The following STYX variants were observed in gnomAD, a reference collection of about 807,000 sequenced individuals.
The protein encoded by STYX is serine/threonine/tyrosine-interacting protein.
STYX carries 20 observed loss-of-function variants against 42.7 expected under a neutral mutation model. The observed-to-expected ratio is 0.47, with a 90% CI of 0.33 to 0.68. STYX has a LOEUF of 0.68. STYX is among the 30% of genes least tolerant of loss of function. STYX has a pLI of 0.02. For synonymous variants in STYX, 78 were observed against 81.9 expected, an observed-to-expected ratio of 0.95 and a Z score of 0.26; for missense variants, 226 against 268.5, an observed-to-expected ratio of 0.84 and a Z score of 1.11.
intron 1 of STYX, among the ~76,000 whole-genome samples, chr14:52,736,144 C>T (rs1022644921): frequency 6.6e-6 from 1 of 152,156 alleles, no homozygotes; most frequent in Admixed American, 6.6e-5. Context: ...TTGCTATTTT[C>T]CCCTGCCTTG....
In STYX at chr14:52,750,734, A is replaced by G. The variant is rs758719841; in HGVS notation, c.196A>G (p.Asn66Asp). Reference protein sequence around the residue: ...GITHIICIRQNIEANFIKPNF... With the variant: ...GITHIICIRQDIEANFIKPNF... ...AACCCATATAATATGCATACGACAA[A>G]ATATTGAAGCAAACTTTATTAAACC... Residue 66 changes from asparagine (N) to aspartate (D), a missense_variant, in exon 4 of 11, where the codon AAT (asparagine) becomes GAT (aspartate). Coordinates refer to ENST00000354586, the MANE Select transcript of STYX (RefSeq NM_145251.4). 4.4e-6 allele frequency: 7 copies of G among 1,595,462 alleles called. No individual in the cohort carries two copies. The South Asian group carries it at 8.1e-5, about 18-fold the overall frequency.
chr14:52,771,198 A>AT lies in STYX; in HGVS notation c.*92_*93insT. 8.0e-7 allele frequency: 1 copy of AT among 1,243,254 alleles called. No homozygotes were observed. Among genetic ancestry groups the AT allele is most frequent in the Non-Finnish European group, 1.1e-6 (1 of 890,404 alleles). 77.0% of individuals were successfully genotyped at this position (1,243,254 alleles called of 1,614,324 possible). ...AATGTAAAATGGTAAAAACATAAGT[A>AT]GTTTTTTTTTCAATTACATGTTGCT... On this transcript the variant is annotated 3_prime_UTR_variant, in exon 11 of 11. Transcript: ENST00000354586.
intron 1 of STYX, among the ~76,000 whole-genome samples, chr14:52,734,559 C>T (rs1396984121): frequency 6.6e-6 from 1 of 152,006 alleles, no homozygotes; most frequent in East Asian, 1.9e-4. Context: ...TTAGAAAATT[C>T]CAAGAGTTTT....
At chr14:52,755,091 G>A (rs1424119320) in intron 4 of STYX, among the ~76,000 whole-genome samples, 1 of 150,864 alleles carries the variant, frequency 6.6e-6, no homozygotes, top group African/African-American at 2.4e-5. Flanking sequence ...CTGAGGTTCA[G>A]CTTCTGTGTT....
chr14:52,733,224 T>G (rs569740514), intron 1 of STYX, among the ~76,000 whole-genome samples: 1 of 152,366 alleles, frequency 6.6e-6, no homozygotes, highest in Middle Eastern at 3.4e-3. Context: ...TTTCCCGGAC[T>G]TTGCATTTAA....
chr14:52,730,633 C>G, intron 1 of STYX, 102 bp downstream of exon 1: 6 of 1,359,896 alleles, frequency 4.4e-6, no homozygotes, highest in Non-Finnish European at 6.1e-6. Context: ...TGTACGGGCG[C>G]CCTGCCTCCT....
intron 4 of STYX, among the ~76,000 whole-genome samples, chr14:52,751,220 A>G (rs998996428): frequency 6.6e-6 from 1 of 151,908 alleles, no homozygotes; most frequent in Non-Finnish European, 1.5e-5. Flanking sequence ...TTTCTTTTTT[A>G]CTTTATATTT....
chr14:52,737,280 T>G (rs901407443), intron 1 of STYX, among the ~76,000 whole-genome samples: 4 of 152,198 alleles, frequency 2.6e-5, no homozygotes, highest in African/African-American at 9.7e-5. Flanking sequence ...TATTTGAGGG[T>G]CTTTGAACAT....
chr14:52,746,410 A>T lies in STYX; in HGVS notation c.91-16A>T, dbSNP rs1180403299. 1.1e-4 allele frequency: 128 copies of T among 1,211,102 alleles called. No homozygotes were observed. Among genetic ancestry groups the T allele is most frequent in the Admixed American group, 1.9e-4 (7 of 37,534 alleles). 75.0% of individuals were successfully genotyped at this position (1,211,102 alleles called of 1,614,324 possible). On this transcript the variant is annotated splice_polypyrimidine_tract_variant and intron_variant, in intron 2 of 10. Transcript: ENST00000354586. Reference sequence around the variant, plus strand: ...AAATTGCTGATGGTAAATACCTCAAATTTTTTTTTTTCTAGGAAATTTTAC... The same window carrying T: ...AAATTGCTGATGGTAAATACCTCAATTTTTTTTTTTTCTAGGAAATTTTAC...
chr14:52,756,858 T>G (rs1235229534), intron 5 of STYX, among the ~76,000 whole-genome samples: 2 of 151,970 alleles, frequency 1.3e-5, no homozygotes, highest in Admixed American at 1.3e-4. Context: ...CAGCTAATTT[T>G]GTATTTTTAG....
chr14:52,767,597 C>T (rs962325311), intron 9 of STYX, among the ~76,000 whole-genome samples: 3 of 151,994 alleles, frequency 2.0e-5, no homozygotes, highest in African/African-American at 7.2e-5. Context: ...GCTATTTACC[C>T]AAGAATAAAA....
At chr14:52,762,878 CTTTCTTTT>C (rs1216167163) in intron 9 of STYX, among the ~76,000 whole-genome samples, 7 of 77,424 alleles carry the variant, frequency 9.0e-5, no homozygotes, top group Admixed American at 1.3e-4. Context: ...TTCTTTCTTT[CTTTCTTTT>C]TTTTTTTTTT....
chr14:52,744,076 G>A (rs920289073), intron 1 of STYX, among the ~76,000 whole-genome samples: 2 of 152,098 alleles, frequency 1.3e-5, no homozygotes, highest in Non-Finnish European at 2.9e-5. Flanking sequence ...TGCCTGCCTC[G>A]GCATCCCAAA....
chr14:52,746,601 A>G (rs1387064084), intron 3 of STYX, 122 bp downstream of exon 3: 3 of 768,520 alleles, frequency 3.9e-6, no homozygotes, highest in African/African-American at 3.8e-5. Flanking sequence ...GTTAACAGTA[A>G]TTGTCACTCT....
intron 1 of STYX, among the ~76,000 whole-genome samples, chr14:52,739,632 C>CTTTTTTTTTTTTTTTTT (rs58454717): frequency 7.6e-5 from 5 of 65,730 alleles, no homozygotes; most frequent in African/African-American, 1.3e-4. Flanking sequence ...TCCTTTCTTT[C>CTTTTTTTTTTTTTTTTT]TTTTTTTTTT....
intron 1 of STYX, among the ~76,000 whole-genome samples, chr14:52,737,927 C>T (rs2139881965): frequency 6.6e-6 from 1 of 152,314 alleles, no homozygotes; most frequent in South Asian, 2.1e-4. Flanking sequence ...AGGCGCCCGC[C>T]ACCATGCCCG....
chr14:52,747,761 G>A (rs1881446514), intron 3 of STYX, among the ~76,000 whole-genome samples: 1 of 152,202 alleles, frequency 6.6e-6, no homozygotes, highest in African/African-American at 2.4e-5. Flanking sequence ...GGAGGCTGAG[G>A]CAGGCGGATT....
chr14:52,756,169 C>T (rs563530479), intron 4 of STYX, among the ~76,000 whole-genome samples: 148 of 152,198 alleles, frequency 9.7e-4, no homozygotes, highest in Middle Eastern at 3.4e-3. Flanking sequence ...GTGCACACCA[C>T]GACACCCAGC....
chr14:52,750,522 C>A (rs1490787159), intron 3 of STYX, among the ~76,000 whole-genome samples, 161 bp from the exon 4 acceptor site: 1 of 152,082 alleles, frequency 6.6e-6, no homozygotes, highest in Non-Finnish European at 1.5e-5. Flanking sequence ...TATCTTGCTG[C>A]CCACTTCAGG....
Sources: gnomAD v4.1 joint callset for allele counts (sites outside exome capture counted in the v4.1 genomes callset) on GRCh38, gnomAD v4.1.1 for gene constraint, MANE v1.5 for transcripts, NCBI Gene and HGNC (gene_info 2026-07-23, HGNC 2026-07-21) for gene names.